SHTN1: variants seen among roughly 807,000 people sequenced by gnomAD.
The protein encoded by SHTN1 is shootin-1.
A neutral mutation model predicts 83.1 loss-of-function variants in SHTN1; 42 were observed. The ratio of observed to expected loss-of-function variants is 0.51; its 90% CI spans 0.39 to 0.65. SHTN1 has a LOEUF of 0.65. Ranked by LOEUF, SHTN1 falls within the 30% of genes least tolerant of loss-of-function variation. SHTN1 has a pLI of 0.00. For synonymous variants in SHTN1, 224 were observed against 247.7 expected (o/e 0.90, Z 0.90); for missense variants, 622 against 737.8 (o/e 0.84, Z 1.82).
At chr10:117,125,304 T>A (rs1853986893) in intron 1 of SHTN1, among the ~76,000 whole-genome samples, 1 of 152,100 alleles carries the variant, frequency 6.6e-6, no homozygotes. Flanking sequence ...GGAAAGAGGA[T>A]CTTAAAACGA....
chr10:116,916,659 G>A (rs1848394507), intron 12 of SHTN1, among the ~76,000 whole-genome samples: 1 of 152,160 alleles, frequency 6.6e-6, no homozygotes, highest in Non-Finnish European at 1.5e-5. Flanking sequence ...CCTAGATTAT[G>A]GCTTCTTTTT....
At chr10:117,024,637 C>T (rs1156887690) in intron 2 of SHTN1, among the ~76,000 whole-genome samples, 2 of 151,980 alleles carry the variant, frequency 1.3e-5, no homozygotes, top group African/African-American at 4.8e-5. Context: ...GGATTACAGG[C>T]GTGAGCCACC....
chr10:116,983,666 AG>A lies in SHTN1; in HGVS notation c.59-4359del, dbSNP rs1564913514. Among the ~76,000 whole-genome samples, 378 of 86,896 alleles carry A rather than the reference AG, an allele frequency of 4.4e-3. 1 individual carries two copies. Among genetic ancestry groups the A allele is most frequent in the East Asian group, 0.011 (29 of 2,608 alleles). 57.0% of individuals were successfully genotyped at this position (86,896 alleles called of 152,430 possible). A position where few individuals can be genotyped will look rare whatever the true frequency, so the allele number is the denominator to read the frequency against. The stretch of plus-strand genomic sequence containing the variant: ...TAGATAGATAGATAGATAGATAGAT[AG>A]ATAGATAGATAGATAGATAAATACA... On this transcript the variant is annotated intron_variant, in intron 1 of 16. Coordinates refer to ENST00000355371, the MANE Select transcript of SHTN1 (RefSeq NM_001127211.3).
At chr10:116,910,568 C>T (rs186914537) in intron 14 of SHTN1, among the ~76,000 whole-genome samples, 2 of 152,216 alleles carry the variant, frequency 1.3e-5, no homozygotes, top group East Asian at 1.9e-4. Flanking sequence ...CTCATAGAGA[C>T]GTCTGATTTT....
At chr10:117,120,784 G>A (rs1853911659) in intron 1 of SHTN1, among the ~76,000 whole-genome samples, 1 of 150,718 alleles carries the variant, frequency 6.6e-6, no homozygotes, top group Admixed American at 6.7e-5. Flanking sequence ...TATTTCAGGT[G>A]ATAGATATCC....
chr10:116,969,367 G>C (rs930341742), intron 2 of SHTN1, among the ~76,000 whole-genome samples: 1 of 151,274 alleles, frequency 6.6e-6, no homozygotes, highest in Non-Finnish European at 1.5e-5. Flanking sequence ...CTTCAACCTG[G>C]GAGGTGGAAG....
intron 1 of SHTN1, among the ~76,000 whole-genome samples, chr10:116,980,315 C>T (rs1477066499): frequency 6.6e-6 from 1 of 152,016 alleles, no homozygotes; most frequent in Non-Finnish European, 1.5e-5. Context: ...TTTTAAGAGA[C>T]AGGGTCTTGT....
intron 1 of SHTN1, among the ~76,000 whole-genome samples, chr10:117,076,391 C>T (rs1853154251): frequency 6.6e-6 from 1 of 152,094 alleles, no homozygotes; most frequent in Non-Finnish European, 1.5e-5. Context: ...GCTTCAACTG[C>T]ATCTCTCTTT....
At position 116,886,531 on chromosome 10, in the gene SHTN1, A is replaced by C; in HGVS notation, c.1709T>G (p.Ile570Ser). 1.2e-6 allele frequency: 2 copies of C among 1,614,190 alleles called. No individual in the cohort carries two copies. Among genetic ancestry groups the C allele is most frequent in the African/African-American group, 1.3e-5 (1 of 75,058 alleles). ...TGGTTCGGCTTGTTTTTCACCGTCA[A>C]TGTATTTTTTCCTGCATCCAATGCT... ...PSSIGCRKKY[I>S]DGEKQAEPVV... Residue 570 changes from isoleucine to serine, a missense_variant, in exon 17 of 17, where the codon ATT (isoleucine) becomes AGT (serine). Physicochemically the swap from Ile to Ser is moderately radical, Grantham distance 142. This residue lies in a region of SHTN1 where 231 missense variants were observed against 251.6 expected (regional missense o/e 0.92). Transcript: ENST00000355371.
intron 1 of SHTN1, among the ~76,000 whole-genome samples, chr10:117,048,999 T>A (rs1220095753): frequency 6.6e-6 from 1 of 152,222 alleles, no homozygotes. Context: ...AATTGGTTCA[T>A]CTGTCAATTG....
chr10:116,979,271 C>G lies in SHTN1; in HGVS notation c.96G>C (p.Gln32His), dbSNP rs761679868. Residue 32 changes from glutamine to histidine, a missense_variant, in exon 2 of 17, where the codon CAG becomes CAC. Gln to His is a conservative substitution (Grantham distance 24). Transcript: ENST00000355371. Reference protein sequence around the residue: ...GEYEDLRAENQKTKEKCDKIR... With the variant: ...GEYEDLRAENHKTKEKCDKIR... ...AAGTACAAACCTTCTCCTTTGTTTTCTGGTTCTCTGCTCTAAGGTCTTCAT... is the reference window on the plus strand; with the variant it reads ...AAGTACAAACCTTCTCCTTTGTTTTGTGGTTCTCTGCTCTAAGGTCTTCAT... The G allele has an allele frequency of 2.5e-6, 4 of 1,613,780 alleles. No individual in the cohort carries two copies. Among genetic ancestry groups the G allele is most frequent in the Non-Finnish European group, 8.5e-7 (1 of 1,179,852 alleles).
intron 11 of SHTN1, among the ~76,000 whole-genome samples, chr10:116,926,286 C>T (rs980130807): frequency 1.3e-5 from 2 of 152,146 alleles, no homozygotes; most frequent in South Asian, 4.1e-4. Flanking sequence ...ACTTTTTAAT[C>T]GTTCTCCCTC....
chr10:117,111,462 T>A lies in SHTN1; in HGVS notation c.-189+14845A>T, dbSNP rs184737407. ...GCACGTGCCACCACACCTGGCTAAT[T>A]TTTGTATTTTTAGTAGAGACGGGGT... On this transcript the variant is annotated intron_variant, in intron 1 of 17. Coordinates refer to the SHTN1 transcript ENST00000392901. 5.2e-3 allele frequency among the ~76,000 whole-genome samples: 795 copies of A among 151,736 alleles called. 9 individuals carry two copies. Among genetic ancestry groups the A allele is most frequent in the African/African-American group, 0.017 (704 of 41,430 alleles).
At chr10:117,071,035 T>C (rs1169143130) in intron 1 of SHTN1, among the ~76,000 whole-genome samples, 7 of 152,058 alleles carry the variant, frequency 4.6e-5, no homozygotes, top group Admixed American at 4.6e-4. Flanking sequence ...TTTTTCTTAA[T>C]TTTAAAAATG....
At chr10:116,930,216 C>T (rs1407128205) in intron 9 of SHTN1, among the ~76,000 whole-genome samples, 3 of 152,086 alleles carry the variant, frequency 2.0e-5, no homozygotes, top group East Asian at 1.9e-4. Flanking sequence ...TGGGGAGTTA[C>T]GTACCAGACA....
In SHTN1 at chr10:116,886,147, C is replaced by A; in HGVS notation, c.*197G>T. On this transcript the variant is annotated 3_prime_UTR_variant, in exon 17 of 17. Transcript: ENST00000355371. ...CTTTATAAAGATCAAAAAACCAAAA[C>A]CTACTAGGAATGTGTGTTTTGCTAA... 1 of 726,838 alleles carries A rather than the reference C, an allele frequency of 1.4e-6. No homozygotes were observed. 45.0% of individuals were successfully genotyped at this position (726,838 alleles called of 1,614,324 possible). A position where few individuals can be genotyped will look rare whatever the true frequency, so the allele number is the denominator to read the frequency against.
intron 1 of SHTN1, among the ~76,000 whole-genome samples, chr10:117,001,048 G>A (rs1851806281): frequency 6.6e-6 from 1 of 151,792 alleles, no homozygotes; most frequent in African/African-American, 2.4e-5. Context: ...GGAGCAAATT[G>A]TATGATGTTT....
chr10:117,075,971 C>G (rs936383640), intron 1 of SHTN1, among the ~76,000 whole-genome samples: 1 of 151,908 alleles, frequency 6.6e-6, no homozygotes, highest in Non-Finnish European at 1.5e-5. Flanking sequence ...CCACTTGAGT[C>G]CAGGAGTTTG....
rs545152623 is a variant in SHTN1, at chr10:116,895,024, G to T, written c.1673+6741C>A. Among the ~76,000 whole-genome samples, 7 of 152,222 alleles carry T rather than the reference G, an allele frequency of 4.6e-5. No homozygotes were observed. In the South Asian group the frequency reaches 1.2e-3, roughly 27 times the overall value. On this transcript the variant is annotated intron_variant, in intron 16 of 16. Coordinates refer to ENST00000355371, the MANE Select transcript of SHTN1 (RefSeq NM_001127211.3). ...CCAATGGATAAACACAAACTCAAAG[G>T]TGTTAACCAGTAATTGACCAAACAT...
Sources: gnomAD v4.1 joint callset for allele counts (sites outside exome capture counted in the v4.1 genomes callset) on GRCh38, gnomAD v4.1.1 for gene constraint, gnomAD v4.1.1 regional missense constraint, MANE v1.5 for transcripts, NCBI Gene and HGNC (gene_info 2026-07-23, HGNC 2026-07-21) for gene names.